The following ARL15 variants were observed in gnomAD, a reference collection of about 807,000 sequenced individuals.
ARL15 encodes the protein ADP-ribosylation factor-like protein 15.
In ARL15, 19 loss-of-function variants were observed where a neutral mutation model predicts 25.2. The observed-to-expected ratio is 0.75, with a 90% CI of 0.53 to 1.10. The LOEUF is 1.10. Ranked by LOEUF, ARL15 falls within the 50% of genes least tolerant of loss-of-function variation. The pLI is 0.00. For missense variants in ARL15, 220 were observed against 246.0 expected, an observed-to-expected ratio of 0.89 and a Z score of 0.71; for synonymous variants, 94 against 86.8, an observed-to-expected ratio of 1.08 and a Z score of -0.46.
intron 1 of ARL15, among the ~76,000 whole-genome samples, chr5:54,263,464 G>T (rs1240205256): frequency 6.6e-6 from 1 of 152,100 alleles, no homozygotes; most frequent in African/African-American, 2.4e-5. Flanking sequence ...AAGGGTGAAG[G>T]GGAAAGGGAG....
Position 54,170,775 on chromosome 5 carries a change from A to T in ARL15, c.193+1009T>A, listed in dbSNP as rs138608413. ...CCTTCCATGCCCCATCTATTTCTGG[A>T]TATGAACTTAATGTTTATGCAGCCA... On this transcript the variant is annotated intron_variant, in intron 2 of 4. Transcript: ENST00000504924. 2.7e-4 allele frequency among the ~76,000 whole-genome samples: 41 copies of T among 152,212 alleles called. No homozygotes were observed. The East Asian group carries it at 7.7e-3, about 29-fold the overall frequency.
intron 1 of ARL15, among the ~76,000 whole-genome samples, chr5:54,302,852 A>C (rs2112716157): frequency 6.6e-6 from 1 of 152,076 alleles, no homozygotes; most frequent in South Asian, 2.1e-4. Context: ...GGTCAACCAG[A>C]ACTGGGCTTC....
In ARL15 at chr5:53,886,697, T is replaced by C; in HGVS notation, c.479A>G (p.Glu160Gly). Residue 160 changes from glutamate (E) to glycine (G), a missense_variant, in exon 5 of 5, where the codon GAA (glutamate) becomes GGA (glycine). By Grantham distance (98) the Glu-to-Gly change is moderately conservative. Coordinates refer to ENST00000504924, the MANE Select transcript of ARL15 (RefSeq NM_019087.3). ...TTTTCCACGTGCAAGTGGTTCAAGT[T>C]CAAAATATTTTTTGATCTTAAGAGG... The part of the protein sequence containing the change: ...RSVQEIKKYF[E>G]LEPLARGKRW... 6.4e-7 allele frequency: 1 copy of C among 1,556,642 alleles called. No homozygotes were observed. Among genetic ancestry groups the C allele is most frequent in the Non-Finnish European group, 8.7e-7 (1 of 1,152,112 alleles).
rs978095694 is a variant in ARL15 at position 53,995,850 on chromosome 5, T to C, written c.463-109137A>G. Among the ~76,000 whole-genome samples, 53 of 152,118 alleles carry C rather than the reference T, an allele frequency of 3.5e-4. 1 individual carries two copies. The highest frequency in any genetic ancestry group is 3.1e-3 in the Admixed American group (48 of 15,270). ...CAAAGTCCCCTAGGCAAAAAAGTAC[T>C]TTCTCCAGTTGGAAACCACTGACCC... On this transcript the variant is annotated intron_variant, in intron 4 of 4. Transcript: ENST00000504924.
intron 1 of ARL15, among the ~76,000 whole-genome samples, chr5:54,291,685 G>A (rs1758322295): frequency 6.6e-6 from 1 of 152,160 alleles, no homozygotes; most frequent in African/African-American, 2.4e-5. Flanking sequence ...ACTGGAATGT[G>A]GATGAGTCTC....
At chr5:54,042,561 T>G (rs1480383613) in intron 4 of ARL15, among the ~76,000 whole-genome samples, 1 of 152,196 alleles carries the variant, frequency 6.6e-6, no homozygotes, top group Non-Finnish European at 1.5e-5. Flanking sequence ...ATAACTGGAC[T>G]CTTGGAGCAT....
At chr5:54,144,991 T>C (rs1223736246) in intron 3 of ARL15, among the ~76,000 whole-genome samples, 6 of 152,246 alleles carry the variant, frequency 3.9e-5, no homozygotes, top group African/African-American at 1.4e-4. Flanking sequence ...TTCCATTGTC[T>C]GTACCTTTAG....
chr5:54,202,328 T>A (rs1184866552), intron 1 of ARL15, among the ~76,000 whole-genome samples: 1 of 152,180 alleles, frequency 6.6e-6, no homozygotes, highest in East Asian at 1.9e-4. Context: ...CTTACAAATA[T>A]TATTCTGAAT....
intron 1 of ARL15, among the ~76,000 whole-genome samples, chr5:54,218,425 C>T (rs1422788988): frequency 1.3e-5 from 2 of 152,174 alleles, no homozygotes; most frequent in South Asian, 2.1e-4. Context: ...CCCGTATCCC[C>T]GATGCAGAAT....
chr5:54,032,860 T>C (rs1021534649), intron 4 of ARL15, among the ~76,000 whole-genome samples: 1 of 152,182 alleles, frequency 6.6e-6, no homozygotes, highest in African/African-American at 2.4e-5. Flanking sequence ...TTCTTTTATT[T>C]TAATTGTAAT....
intron 3 of ARL15, among the ~76,000 whole-genome samples, chr5:54,120,808 A>G (rs959275909): frequency 2.0e-5 from 3 of 152,230 alleles, no homozygotes; most frequent in African/African-American, 4.8e-5. Flanking sequence ...AATTGGGAAG[A>G]GCCAAAATGG....
intron 4 of ARL15, among the ~76,000 whole-genome samples, chr5:54,112,969 C>T (rs1358612323): frequency 6.6e-6 from 1 of 152,178 alleles, no homozygotes. Context: ...CCAGAAACAT[C>T]TTTTAACCAT....
chr5:54,208,700 A>G (rs371272508), intron 1 of ARL15, among the ~76,000 whole-genome samples: 5 of 152,074 alleles, frequency 3.3e-5, no homozygotes, highest in African/African-American at 4.8e-5. Context: ...TCTCAAAAAA[A>G]CCGACTTCCC....
At chr5:54,172,683 A>T (rs1195697822) in intron 1 of ARL15, among the ~76,000 whole-genome samples, 1 of 152,222 alleles carries the variant, frequency 6.6e-6, no homozygotes, top group African/African-American at 2.4e-5. Flanking sequence ...TCTGGTGAGG[A>T]GAGTGACAAA....
At position 54,153,755 on chromosome 5, in the gene ARL15, G is replaced by A. The variant is rs143106564; in HGVS notation, c.253+825C>T. Among the ~76,000 whole-genome samples, 488 of 152,194 alleles carry A rather than the reference G, an allele frequency of 3.2e-3. 5 individuals carry two copies. The highest frequency in any genetic ancestry group is 9.8e-3 in the African/African-American group (406 of 41,530). ...AGGTACCAAACGCTATTAAAATGGC[G>A]TAAAGTTGGTGTTACAATCTCATCG... On this transcript the variant is annotated intron_variant, in intron 3 of 4. Coordinates refer to ENST00000504924, the MANE Select transcript of ARL15 (RefSeq NM_019087.3).
chr5:54,067,388 C>A (rs1751273958), intron 4 of ARL15, among the ~76,000 whole-genome samples: 1 of 152,096 alleles, frequency 6.6e-6, no homozygotes, highest in African/African-American at 2.4e-5. Flanking sequence ...TAACAGATTA[C>A]CTGATTAAAG....
intron 4 of ARL15, among the ~76,000 whole-genome samples, chr5:53,911,808 G>A (rs572402175): frequency 2.0e-5 from 3 of 152,066 alleles, no homozygotes; most frequent in Non-Finnish European, 4.4e-5. Flanking sequence ...AATGCCACAC[G>A]ATCAAATCCA....
intron 1 of ARL15, among the ~76,000 whole-genome samples, chr5:54,294,039 T>C (rs1389100282): frequency 6.6e-6 from 1 of 152,166 alleles, no homozygotes; most frequent in Non-Finnish European, 1.5e-5. Context: ...GGTCTTGAAC[T>C]CCTGACCTCA....
At chr5:53,930,660 C>T (rs867978146) in intron 4 of ARL15, among the ~76,000 whole-genome samples, 2 of 151,856 alleles carry the variant, frequency 1.3e-5, no homozygotes, top group Admixed American at 6.6e-5. Flanking sequence ...GGTCGATTCA[C>T]GCACATGCTG....
Sources: gnomAD v4.1 joint callset for allele counts (sites outside exome capture counted in the v4.1 genomes callset) on GRCh38, gnomAD v4.1.1 for gene constraint, MANE v1.5 for transcripts, NCBI Gene and HGNC (gene_info 2026-07-23, HGNC 2026-07-21) for gene names.